The following DDX51 variants were observed in gnomAD, a reference collection of about 807,000 sequenced individuals.
DDX51 encodes DEAD-box helicase 51.
Under a neutral mutation model 74.6 loss-of-function variants are expected in DDX51, and 67 were observed. The observed-to-expected ratio is 0.90, with a 90% confidence interval of 0.74 to 1.10. DDX51 has a LOEUF of 1.10. Ranked by LOEUF, DDX51 falls within the 50% of genes least tolerant of loss-of-function variation. The pLI is 0.00. For synonymous variants in DDX51, 545 were observed against 402.9 expected, an observed-to-expected ratio of 1.35 and a Z score of -4.22; for missense variants, 1,056 against 905.2, an observed-to-expected ratio of 1.17 and a Z score of -2.14.
chr12:132,143,931 G>T, intron 1 of DDX51, 22 bp from the exon 2 acceptor site: 1 of 1,510,480 alleles, frequency 6.6e-7, no homozygotes, highest in East Asian at 2.7e-5. Context: ...ACACCCACCC[G>T]GCAGCGCGTC....
At position 132,140,668 on chromosome 12, in the gene DDX51, C is replaced by CCCATCT. The variant is rs1897417496; in HGVS notation, c.1502_1507dup (p.Glu501_Met502dup). 6.2e-7 allele frequency: 1 copy of CCCATCT among 1,612,904 alleles called. No homozygotes were observed. Among genetic ancestry groups the CCCATCT allele is most frequent in the South Asian group, 1.1e-5 (1 of 91,078 alleles). On this transcript the variant is annotated inframe_insertion, in exon 10 of 15. Transcript: ENST00000397333. ...AGTGAAGCAGAGAACCCTCGAGAAGCCCATCTCCAGGACCAGGTGCAGGAC... is the reference window on the plus strand; with the variant it reads ...AGTGAAGCAGAGAACCCTCGAGAAGCCCATCTCCATCTCCAGGACCAGGTGCAGGAC...
chr12:132,141,411 C>T lies in DDX51; in HGVS notation c.1114G>A (p.Glu372Lys). The change falls in exon 8 of 15, where the codon GAG becomes AAG. Residue 372 changes from glutamate to lysine, a missense_variant. Glu to Lys is a moderately conservative substitution (Grantham distance 56, BLOSUM62 1). Transcript: ENST00000397333. ...ATGCTGTCAATCATCCGGTCAGCCT[C>T]GTCGATAATCTGCAGGAGACAGGGA... ...LQQLRFLIIDEADRMIDSMHQ... is the reference protein window; with the variant it reads ...LQQLRFLIIDKADRMIDSMHQ... 6.3e-7 allele frequency: 1 copy of T among 1,593,528 alleles called. No homozygotes were observed. The highest frequency in any genetic ancestry group is 8.5e-7 in the Non-Finnish European group (1 of 1,176,408).
At position 132,140,627 on chromosome 12, in the gene DDX51, A is replaced by T; in HGVS notation, c.1549T>A (p.Ser517Thr). 6 of 1,612,924 alleles carry T rather than the reference A, an allele frequency of 3.7e-6. No homozygotes were observed. The highest frequency in any genetic ancestry group is 4.2e-6 in the Non-Finnish European group (5 of 1,180,014). Reference sequence around the variant, plus strand: ...GCCCAGCCGGGGCCTCACCTGTGGGAGTTCTCTCGGGAGTTAGTGAAGCAG... The same window carrying T: ...GCCCAGCCGGGGCCTCACCTGTGGGTGTTCTCTCGGGAGTTAGTGAAGCAG... ...VLCFTNSREN[S>T]HRLFLLVQAF... The change falls in exon 10 of 15, where the codon TCC becomes ACC. Residue 517 changes from serine to threonine, a missense_variant. Coordinates refer to ENST00000397333, the MANE Select transcript of DDX51 (RefSeq NM_175066.4).
intron 2 of DDX51, 108 bp from the exon 3 acceptor site, chr12:132,142,986 T>C (rs1323003995): frequency 2.1e-6 from 3 of 1,455,808 alleles, no homozygotes; most frequent in Non-Finnish European, 2.8e-6. Context: ...CTCTGTCGTC[T>C]TCAGCTCCTT....
rs1052100526 is a variant in DDX51 at position 132,142,299 on chromosome 12, G to A, written c.794C>T (p.Ala265Val). Residue 265 changes from alanine to valine, a missense_variant, in exon 4 of 15, where the codon GCC becomes GTC. Ala to Val is a moderately conservative substitution (Grantham distance 64, BLOSUM62 0). Coordinates refer to ENST00000397333, the MANE Select transcript of DDX51 (RefSeq NM_175066.4). ...GACCTGCACCACAGGGATGACGAAG[G>A]CCAGTGTCTTCCCACTGCCTGTTGG... is the stretch of plus-strand genomic sequence containing the variant. Reference protein sequence around the residue: ...SAPTGSGKTLAFVIPVVQALL... With the variant: ...SAPTGSGKTLVFVIPVVQALL... 4 of 1,613,082 alleles carry A rather than the reference G, an allele frequency of 2.5e-6. No individual in the cohort carries two copies. The highest frequency in any genetic ancestry group is 3.4e-6 in the Non-Finnish European group (4 of 1,179,966).
Position 132,141,931 on chromosome 12 carries a change from G to A in DDX51, c.914C>T (p.Thr305Ile), listed in dbSNP as rs1325444233. Reference sequence around the variant, plus strand: ...GGAGACTCTCAGAGGTGTGGCATCTGTGTAGATGTTGAAAACTTTGCTCAC... The same window carrying A: ...GGAGACTCTCAGAGGTGTGGCATCTATGTAGATGTTGAAAACTTTGCTCAC... ...QQVSKVFNIY[T>I]DATPLRVSLV... The change falls in exon 6 of 15, where the codon ACA becomes ATA. Residue 305 changes from threonine to isoleucine, a missense_variant. Physicochemically the swap from Thr to Ile is moderately conservative, Grantham distance 89. Transcript: ENST00000397333. 1.9e-6 allele frequency: 3 copies of A among 1,613,188 alleles called. No homozygotes were observed. In the East Asian group the frequency reaches 6.7e-5, roughly 36 times the overall value.
rs1897289130 is a variant in DDX51, at chr12:132,137,403, AGCT to A, written c.*1866_*1868del. Reference sequence around the variant, plus strand: ...GAGGTTAGAAAGGGAGCTATTTTTGAGCTGCTTTTTGTTAAAAGGCAAATTTTC... The same window carrying A: ...GAGGTTAGAAAGGGAGCTATTTTTGAGCTTTTTGTTAAAAGGCAAATTTTC... On this transcript the variant is annotated 3_prime_UTR_variant, in exon 15 of 15. Coordinates refer to ENST00000397333, the MANE Select transcript of DDX51 (RefSeq NM_175066.4). 1 of 152,146 alleles carries A rather than the reference AGCT, an allele frequency of 6.6e-6. No individual in the cohort carries two copies. The highest frequency in any genetic ancestry group is 2.4e-5 in the African/African-American group (1 of 41,398). 9.4% of individuals were successfully genotyped at this position (152,146 alleles called of 1,614,324 possible).
At chr12:132,143,617 C>T (rs1206395769) in intron 2 of DDX51, 78 bp downstream of exon 2, 10 of 1,505,546 alleles carry the variant, frequency 6.6e-6, no homozygotes, top group Admixed American at 6.0e-5. Context: ...ACGAAATCTT[C>T]CGGGGCGACC....
Position 132,140,886 on chromosome 12 carries a change from T to C in DDX51, c.1385A>G (p.Glu462Gly), listed in dbSNP as rs766475777. 80 of 1,613,396 alleles carry C rather than the reference T, an allele frequency of 5.0e-5. 1 individual carries two copies. In the South Asian group the frequency reaches 8.2e-4, roughly 17 times the overall value. The change falls in exon 9 of 15, where the codon GAA (glutamate) becomes GGA (glycine). Residue 462 changes from glutamate (E) to glycine (G), a missense_variant. Glu to Gly is a moderately conservative substitution (Grantham distance 98). Coordinates refer to ENST00000397333, the MANE Select transcript of DDX51 (RefSeq NM_175066.4). ...FSTGLAHRGL[E>G]DTDGDGDSGK... ...CGAATCCCCGTCCCCATCTGTATCT[T>C]CCAGGCCCCTGTGTGCTAGCCCTGT...
chr12:132,141,741 G>A (rs922210706), intron 6 of DDX51, 109 bp downstream of exon 6: 3 of 1,470,516 alleles, frequency 2.0e-6, no homozygotes, highest in African/African-American at 1.4e-5. Context: ...CTCTTCACGG[G>A]AACAGGTGGT....
rs2136671045 is a variant in DDX51 at position 132,137,506 on chromosome 12, T to A, written c.*1766A>T. 1 of 152,396 alleles carries A rather than the reference T, an allele frequency of 6.6e-6. No homozygotes were observed. The highest frequency in any genetic ancestry group is 2.1e-4 in the South Asian group (1 of 4,832). 9.4% of individuals were successfully genotyped at this position (152,396 alleles called of 1,614,324 possible). On this transcript the variant is annotated 3_prime_UTR_variant, in exon 15 of 15. Transcript: ENST00000397333. ...CCTGTAACAGTCGCCTTTTGTGTTCTGCTGGCATTTGTTTGAACACAGTCC... is the reference window on the plus strand; with the variant it reads ...CCTGTAACAGTCGCCTTTTGTGTTCAGCTGGCATTTGTTTGAACACAGTCC...
At chr12:132,141,752 TA>T in intron 6 of DDX51, 97 bp downstream of exon 6, 2 of 1,481,936 alleles carry the variant, frequency 1.3e-6, no homozygotes, top group Middle Eastern at 1.9e-4. Flanking sequence ...AACAGGTGGT[TA>T]AAGATGGTGG....
rs1169817487 is a variant in DDX51 at position 132,144,089 on chromosome 12, G to A, written c.208C>T (p.Pro70Ser). ...TCGTTCACCCGCCGCCGCCGCCGGG[G>A]CCGCCGTCGCCTCCTGGTCGCCGGC... ...TEPATRRRRR[P>S]RRRRRVNDAE... Residue 70 changes from proline to serine, a missense_variant, in exon 1 of 15, where the codon CCC becomes TCC. Transcript: ENST00000397333. 36 of 1,231,692 alleles carry A rather than the reference G, an allele frequency of 2.9e-5. No homozygotes were observed. The highest frequency in any genetic ancestry group is 1.7e-5 in the Non-Finnish European group (17 of 988,796). The allele number at this position is 1,231,692 out of a possible 1,614,324, so 76.3% of individuals were successfully genotyped here. A position where few individuals can be genotyped will look rare whatever the true frequency, so the allele number is the denominator to read the frequency against.
At chr12:132,139,975 C>A (rs2136674188) in intron 12 of DDX51, 51 bp from the exon 13 acceptor site, 1 of 1,611,728 alleles carries the variant, frequency 6.2e-7, no homozygotes, top group East Asian at 2.2e-5. Context: ...CTTCAAGAGT[C>A]TGACGGAACG....
At position 132,141,255 on chromosome 12, in the gene DDX51, C is replaced by G. The variant is rs766471045; in HGVS notation, c.1250+20G>C. 2 of 1,578,238 alleles carry G rather than the reference C, an allele frequency of 1.3e-6. No individual in the cohort carries two copies. Among genetic ancestry groups the G allele is most frequent in the Admixed American group, 1.7e-5 (1 of 57,464 alleles). The stretch of plus-strand genomic sequence containing the variant: ...GACTCTGCTCAGGGGAGGCCAGCAC[C>G]TGGGCGTGCTGCTGGATACCTGGCG... On this transcript the variant is annotated intron_variant, in intron 8 of 14. Transcript: ENST00000397333.
In DDX51 at chr12:132,143,035, G is replaced by A. The variant is rs548222288; in HGVS notation, c.520-157C>T. On this transcript the variant is annotated intron_variant, in intron 2 of 14. Coordinates refer to ENST00000397333, the MANE Select transcript of DDX51 (RefSeq NM_175066.4). ...TGCGCTTTCCATACAGCCTTCAGAA[G>A]TTAAACAGTAAAAGCAGATGCCACT... 1.7e-4 allele frequency: 163 copies of A among 952,842 alleles called. No individual in the cohort carries two copies. In the African/African-American group the frequency reaches 2.4e-3, roughly 14 times the overall value. 59.0% of individuals were successfully genotyped at this position (952,842 alleles called of 1,614,324 possible). A position where few individuals can be genotyped will look rare whatever the true frequency, so the allele number is the denominator to read the frequency against.
chr12:132,141,136 G>T, intron 8 of DDX51, 116 bp from the exon 9 acceptor site: 1 of 1,493,164 alleles, frequency 6.7e-7, no homozygotes, highest in Non-Finnish European at 8.9e-7. Context: ...AGCAAGGTGG[G>T]TCCAGCTCAC....
chr12:132,141,281 G>A lies in DDX51; in HGVS notation c.1244C>T (p.Ala415Val). The A allele has an allele frequency of 6.3e-7, 1 of 1,592,066 alleles. No homozygotes were observed. Among genetic ancestry groups the A allele is most frequent in the Non-Finnish European group, 8.5e-7 (1 of 1,175,336 alleles). ...TGGGCGTGCTGCTGGATACCTGGCGGCTGTCACAGCCTGGGCCTGCCTTCG... is the reference window on the plus strand; with the variant it reads ...TGGGCGTGCTGCTGGATACCTGGCGACTGTCACAGCCTGGGCCTGCCTTCG... ...LQRRQAQAVT[A>V]ASTCCPQMPL... is the part of the protein sequence containing the mutation. Residue 415 changes from alanine to valine, a missense_variant, in exon 8 of 15, where the codon GCC becomes GTC. Physicochemically the swap from Ala to Val is moderately conservative, Grantham distance 64. Transcript: ENST00000397333.
intron 11 of DDX51, 103 bp downstream of exon 11, chr12:132,140,320 G>GGAAGCC: frequency 1.3e-6 from 2 of 1,564,562 alleles, no homozygotes; most frequent in Non-Finnish European, 1.7e-6. Flanking sequence ...CTGGGGCACA[G>GGAAGCC]GAAGCCAATT....
Sources: allele counts gnomAD v4.1 joint callset, GRCh38; gene constraint gnomAD v4.1.1; transcripts MANE v1.5; gene names NCBI Gene and HGNC (gene_info 2026-07-23, HGNC 2026-07-21).